Variants in APP observed in about 807,000 individuals in gnomAD.
APP encodes the protein amyloid beta precursor protein, also known as amyloid-beta precursor protein.
A neutral mutation model predicts 101.4 loss-of-function variants in APP; 31 were observed. The ratio of observed to expected loss-of-function variants is 0.31; its 90% confidence interval spans 0.23 to 0.41. APP has a LOEUF of 0.41. APP is among the 10% of genes least tolerant of loss of function. The pLI is 1.00. For missense variants in APP, 839 were observed against 1,003.7 expected (o/e 0.84, Z 2.22); for synonymous variants, 366 against 364.4 (o/e 1.00, Z -0.05).
At chr21:26,141,744 C>T (rs1179375973) in intron 1 of APP, among the ~76,000 whole-genome samples, 6 of 152,166 alleles carry the variant, frequency 3.9e-5, no homozygotes, top group African/African-American at 1.4e-4. Context: ...AAGTTTGGTA[C>T]TTTTCTATCG....
intron 5 of APP, among the ~76,000 whole-genome samples, chr21:26,023,803 G>A (rs184774134): frequency 6.6e-6 from 1 of 152,348 alleles, no homozygotes; most frequent in East Asian, 1.9e-4. Flanking sequence ...GCCTGAGAAT[G>A]TGCATTTCAA....
At chr21:25,887,528 A>G (rs1200071143) in intron 17 of APP, among the ~76,000 whole-genome samples, 1 of 151,548 alleles carries the variant, frequency 6.6e-6, no homozygotes, top group African/African-American at 2.4e-5. Flanking sequence ...AAAAAAAAAA[A>G]AAAAAAAAAA....
rs559320880 is a variant in APP at position 26,104,302 on chromosome 21, C to T, written c.225+7677G>A. 1.8e-4 allele frequency among the ~76,000 whole-genome samples: 27 copies of T among 151,066 alleles called. 1 individual carries two copies. Among genetic ancestry groups the T allele is most frequent in the Admixed American group, 1.6e-3 (24 of 14,990 alleles). On this transcript the variant is annotated intron_variant, in intron 2 of 17. Coordinates refer to ENST00000346798, the MANE Select transcript of APP (RefSeq NM_000484.4). ...ATTCATCCCATAACAGTCCTCAATA[C>T]ATACTTGAAAAAAAAGGGGGGAAAA... is the stretch of plus-strand genomic sequence containing the variant.
intron 5 of APP, among the ~76,000 whole-genome samples, chr21:26,028,769 T>C (rs1046891920): frequency 9.9e-5 from 15 of 152,088 alleles, no homozygotes; most frequent in Admixed American, 9.8e-4. Context: ...CTATTCCAGG[T>C]AGTGAAGATA....
intron 1 of APP, among the ~76,000 whole-genome samples, chr21:26,112,747 C>CT (rs2062357273): frequency 6.6e-6 from 1 of 152,200 alleles, no homozygotes; most frequent in African/African-American, 2.4e-5. Flanking sequence ...AGAATATTCT[C>CT]TGGTTATCAG....
chr21:25,896,950 A>C (rs997933397), intron 16 of APP, among the ~76,000 whole-genome samples: 2 of 152,204 alleles, frequency 1.3e-5, no homozygotes, highest in African/African-American at 2.4e-5. Context: ...CTGTAAAACC[A>C]AGCAGTGTAT....
At chr21:25,961,843 A>G (rs923738803) in intron 11 of APP, among the ~76,000 whole-genome samples, 1 of 152,232 alleles carries the variant, frequency 6.6e-6, no homozygotes, top group African/African-American at 2.4e-5. Flanking sequence ...TCATATGATC[A>G]GAAAAACAAA....
At chr21:26,011,603 C>T (rs925304001) in intron 6 of APP, among the ~76,000 whole-genome samples, 1 of 152,108 alleles carries the variant, frequency 6.6e-6, no homozygotes, top group Non-Finnish European at 1.5e-5. Context: ...ATCAATAGTA[C>T]TAAGGTCCAG....
At chr21:26,165,697 G>GA (rs2063592034) in intron 1 of APP, among the ~76,000 whole-genome samples, 1 of 152,156 alleles carries the variant, frequency 6.6e-6, no homozygotes, top group Admixed American at 6.5e-5. Context: ...AAGATACTGT[G>GA]AGTCTCGCAA....
chr21:26,144,447 C>G (rs1275790659), intron 1 of APP, among the ~76,000 whole-genome samples: 3 of 152,166 alleles, frequency 2.0e-5, no homozygotes, highest in African/African-American at 7.2e-5. Flanking sequence ...TGTTTTTATA[C>G]AGCCTATTAC....
At chr21:26,046,770 A>G (rs1161809168) in intron 5 of APP, among the ~76,000 whole-genome samples, 1 of 152,158 alleles carries the variant, frequency 6.6e-6, no homozygotes, top group African/African-American at 2.4e-5. Flanking sequence ...AGCAACCCCC[A>G]TGGACCACTG....
chr21:26,144,595 TA>T (rs901243811), intron 1 of APP, among the ~76,000 whole-genome samples: 4 of 152,108 alleles, frequency 2.6e-5, no homozygotes, highest in Non-Finnish European at 5.9e-5. Context: ...AATTTTCCAT[TA>T]AAAAAATACA....
At position 26,009,474 on chromosome 21, in the gene APP, C is replaced by G. The variant is rs2043684994; in HGVS notation, c.866-9292G>C. 2.6e-5 allele frequency: 4 copies of G among 152,168 alleles called. No homozygotes were observed. The South Asian group carries it at 6.2e-4, about 24-fold the overall frequency. 9.4% of individuals were successfully genotyped at this position (152,168 alleles called of 1,614,324 possible). The stretch of plus-strand genomic sequence containing the variant: ...TTAGAAAGCTGAATTCAAGTGGTAT[C>G]ATTCCTATAATATCCCAGAACATCA... On this transcript the variant is annotated intron_variant, in intron 6 of 17. Coordinates refer to ENST00000346798, the MANE Select transcript of APP (RefSeq NM_000484.4).
At chr21:26,152,450 A>C (rs1309751616) in intron 1 of APP, among the ~76,000 whole-genome samples, 2 of 152,126 alleles carry the variant, frequency 1.3e-5, no homozygotes, top group African/African-American at 4.8e-5. Context: ...TACATGTACA[A>C]AGAACTTAAA....
intron 14 of APP, among the ~76,000 whole-genome samples, chr21:25,910,920 C>G (rs956010780): frequency 6.6e-6 from 1 of 152,220 alleles, no homozygotes; most frequent in African/African-American, 2.4e-5. Context: ...AAATCTGCAT[C>G]TCTGCAGGCC....
At chr21:26,070,905 T>C (rs1475538964) in intron 3 of APP, among the ~76,000 whole-genome samples, 1 of 152,190 alleles carries the variant, frequency 6.6e-6, no homozygotes, top group African/African-American at 2.4e-5. Flanking sequence ...AGTCATCCTC[T>C]TTTATCACTA....
intron 5 of APP, among the ~76,000 whole-genome samples, chr21:26,025,246 T>C (rs1045037438): frequency 6.6e-6 from 1 of 152,220 alleles, no homozygotes; most frequent in Non-Finnish European, 1.5e-5. Flanking sequence ...CACTGTTGTA[T>C]TACTGGTGAA....
chr21:26,070,589 G>A (rs774172731), intron 3 of APP, among the ~76,000 whole-genome samples: 4 of 152,048 alleles, frequency 2.6e-5, no homozygotes, highest in African/African-American at 7.2e-5. Flanking sequence ...ATAATGGAGC[G>A]TAAAGCTACC....
At chr21:25,944,874 C>A (rs965589750) in intron 13 of APP, among the ~76,000 whole-genome samples, 4 of 152,194 alleles carry the variant, frequency 2.6e-5, no homozygotes, top group Admixed American at 2.6e-4. Flanking sequence ...TCCACAGCCA[C>A]CACTGTGGTC....
Sources: allele counts gnomAD v4.1 joint callset (sites outside exome capture counted in the v4.1 genomes callset), GRCh38; gene constraint gnomAD v4.1.1; transcripts MANE v1.5; gene names NCBI Gene and HGNC (gene_info 2026-07-23, HGNC 2026-07-21).